The following WWOX variants were observed in gnomAD, a reference collection of about 807,000 sequenced individuals.
The protein encoded by WWOX is WW domain-containing oxidoreductase.
A neutral mutation model predicts 46.2 loss-of-function variants in WWOX; 69 were observed. That is an observed-to-expected ratio of 1.49 (90% CI 1.23 to 1.82). The LOEUF (loss-of-function observed/expected upper bound fraction) is 1.82, where lower values mean the gene tolerates loss of function less well. Among genes scored for constraint, WWOX ranks in the 40% most tolerant of loss-of-function variants. The probability of loss-of-function intolerance (pLI) is 0.00; values close to 1 mark genes in which losing one functional copy is unlikely to be tolerated. For missense variants in WWOX, 919 were observed against 542.6 expected (o/e 1.69, Z -6.89); for synonymous variants, 359 against 202.6 (o/e 1.77, Z -6.56).
intron 8 of WWOX, among the ~76,000 whole-genome samples, chr16:78,734,019 C>T (rs1220781979): frequency 6.6e-6 from 1 of 151,768 alleles, no homozygotes; most frequent in Non-Finnish European, 1.5e-5. Context: ...ATGATCATGC[C>T]ACTGCACTGT....
chr16:78,318,272 AT>A (rs34730954), intron 5 of WWOX, among the ~76,000 whole-genome samples: 8,548 of 123,518 alleles, frequency 0.069, 486 homozygotes, highest in African/African-American at 0.16. Flanking sequence ...TCTGGGAGGA[AT>A]TTTTTTTTTT....
chr16:78,347,856 C>T lies in WWOX; in HGVS notation c.517-39004C>T, dbSNP rs1412529556. Among the ~76,000 whole-genome samples, 5 of 121,406 alleles carry T rather than the reference C, an allele frequency of 4.1e-5. 2 individuals are homozygous for T. Among genetic ancestry groups the T allele is most frequent in the Non-Finnish European group, 9.8e-5 (5 of 50,808 alleles). The allele number at this position is 121,406 out of a possible 152,430, so 79.6% of individuals were successfully genotyped here. The stretch of plus-strand genomic sequence containing the variant: ...CTGGAAGGAATTCATTTTCCACTTT[C>T]CTTAATGTTCCTTAAATGTTGTACA... On this transcript the variant is annotated intron_variant, in intron 5 of 8. Transcript: ENST00000566780.
chr16:78,770,469 A>T (rs2050037323), intron 8 of WWOX, among the ~76,000 whole-genome samples: 1 of 152,208 alleles, frequency 6.6e-6, no homozygotes, highest in South Asian at 2.1e-4. Flanking sequence ...CCCACGGGCC[A>T]GGACTGGGAT....
chr16:78,419,216 C>A (rs2082867928), intron 6 of WWOX, among the ~76,000 whole-genome samples: 1 of 152,236 alleles, frequency 6.6e-6, no homozygotes, highest in South Asian at 2.1e-4. Flanking sequence ...CCAAACTCTG[C>A]AAATTGTGTA....
intron 8 of WWOX, among the ~76,000 whole-genome samples, chr16:79,134,107 A>G (rs72797409): frequency 0.16 from 23,633 of 152,016 alleles, 1,917 homozygotes; most frequent in African/African-American, 0.17. Context: ...TTTTAAAAAT[A>G]TGCTGATCTG....
intron 8 of WWOX, among the ~76,000 whole-genome samples, chr16:78,572,701 C>G (rs2044747955): frequency 6.7e-6 from 1 of 148,856 alleles, no homozygotes; most frequent in South Asian, 2.2e-4. Flanking sequence ...GCTAAACATT[C>G]AGGATATTTG....
chr16:78,740,809 C>T (rs958700414), intron 8 of WWOX, among the ~76,000 whole-genome samples: 2 of 152,120 alleles, frequency 1.3e-5, no homozygotes, highest in African/African-American at 4.8e-5. Context: ...TGTGCATGAG[C>T]GTGTCTTAGA....
At chr16:78,774,326 G>C (rs537739900) in intron 8 of WWOX, among the ~76,000 whole-genome samples, 36 of 152,288 alleles carry the variant, frequency 2.4e-4, no homozygotes, top group African/African-American at 8.7e-4. Context: ...GCTTGAATCA[G>C]GGAGTCGGAG....
intron 5 of WWOX, among the ~76,000 whole-genome samples, chr16:78,191,303 A>G (rs773001049): frequency 3.3e-5 from 5 of 152,164 alleles, no homozygotes; most frequent in Non-Finnish European, 5.9e-5. Context: ...ATTTAGCCCT[A>G]CCTTGCTTTT....
chr16:78,878,040 G>T (rs913264553), intron 8 of WWOX, among the ~76,000 whole-genome samples: 20 of 152,148 alleles, frequency 1.3e-4, no homozygotes, highest in Admixed American at 3.3e-4. Flanking sequence ...CACCAGAGAG[G>T]AAGATCCCCT....
chr16:78,389,838 G>T (rs1211534969), intron 6 of WWOX, among the ~76,000 whole-genome samples: 13 of 152,064 alleles, frequency 8.5e-5, no homozygotes. Context: ...GCAACCTCTG[G>T]CCTTGGGTTC....
chr16:78,426,648 C>T (rs2083085240), intron 7 of WWOX, among the ~76,000 whole-genome samples: 2 of 152,066 alleles, frequency 1.3e-5, no homozygotes, highest in Non-Finnish European at 2.9e-5. Flanking sequence ...TTATTCTTTG[C>T]ACATCGTTAT....
At chr16:78,894,945 C>T (rs1184650969) in intron 8 of WWOX, among the ~76,000 whole-genome samples, 8 of 152,114 alleles carry the variant, frequency 5.3e-5, no homozygotes, top group Admixed American at 2.6e-4. Flanking sequence ...ACGATAGTTC[C>T]AATGGATCCA....
At chr16:78,594,360 G>C (rs1360707357) in intron 8 of WWOX, among the ~76,000 whole-genome samples, 8 of 142,654 alleles carry the variant, frequency 5.6e-5, no homozygotes, top group African/African-American at 1.9e-4. Flanking sequence ...TCATATTCTT[G>C]CATTTGCTGC....
chr16:79,044,775 A>G (rs1271777659), intron 8 of WWOX, among the ~76,000 whole-genome samples: 2 of 152,208 alleles, frequency 1.3e-5, no homozygotes, highest in Non-Finnish European at 2.9e-5. Flanking sequence ...AGGCAGTGTC[A>G]GAGAATGCTG....
intron 8 of WWOX, among the ~76,000 whole-genome samples, chr16:79,007,356 G>C (rs972080534): frequency 4.6e-5 from 7 of 152,192 alleles, no homozygotes; most frequent in African/African-American, 1.7e-4. Flanking sequence ...TGAAGAACTG[G>C]AAAGGTGTTC....
rs11320544 is a variant in WWOX at position 78,548,152 on chromosome 16, CAAA to C, written c.1056+115424_1056+115426del. The stretch of plus-strand genomic sequence containing the variant: ...CCTGGGTGACAGAGCAAGACTGTCT[CAAA>C]AAAAAAAAAAAAAAAAAAAAAAATT... On this transcript the variant is annotated intron_variant, in intron 8 of 8. Transcript: ENST00000566780. 4.1e-4 allele frequency among the ~76,000 whole-genome samples: 14 copies of C among 34,274 alleles called. No individual in the cohort carries two copies. The East Asian group carries it at 5.0e-3, about 12-fold the overall frequency. The allele number at this position is 34,274 out of a possible 152,430, so 22.5% of individuals were successfully genotyped here.
chr16:78,603,106 T>C (rs1597333408), intron 8 of WWOX, among the ~76,000 whole-genome samples: 1 of 152,360 alleles, frequency 6.6e-6, no homozygotes, highest in East Asian at 1.9e-4. Flanking sequence ...TATTTTTCCT[T>C]CTTGCGTTGC....
At chr16:78,311,919 C>T (rs1020211797) in intron 5 of WWOX, among the ~76,000 whole-genome samples, 1 of 152,104 alleles carries the variant, frequency 6.6e-6, no homozygotes, top group African/African-American at 2.4e-5. Flanking sequence ...GGGCTAAAAT[C>T]CAGGTGTCTT....
Sources: gnomAD v4.1 joint callset for allele counts (sites outside exome capture counted in the v4.1 genomes callset) on GRCh38, gnomAD v4.1.1 for gene constraint, MANE v1.5 for transcripts, NCBI Gene and HGNC (gene_info 2026-07-23, HGNC 2026-07-21) for gene names.